NID1: variants seen among roughly 807,000 people sequenced by gnomAD.
NID1 encodes nidogen 1.
Under a neutral mutation model 130.6 loss-of-function variants are expected in NID1, and 76 were observed. The ratio of observed to expected loss-of-function variants is 0.58; its 90% confidence interval spans 0.48 to 0.70. The LOEUF is 0.70. NID1 is among the 30% of genes least tolerant of loss of function. The pLI, the probability that NID1 is intolerant of heterozygous loss-of-function variation, is 0.00. For synonymous variants in NID1, 665 were observed against 675.1 expected (o/e 0.98, Z 0.23); for missense variants, 1,517 against 1,664.8 (o/e 0.91, Z 1.54).
chr1:236,013,620 G>GCC (rs1221847318), intron 10 of NID1, 60 bp from the exon 11 acceptor site: 14 of 1,596,834 alleles, frequency 8.8e-6, no homozygotes, highest in Middle Eastern at 1.7e-4. Context: ...CAGGCCACAT[G>GCC]CCCCTCCCAG....
chr1:236,065,013 C>T lies in NID1; in HGVS notation c.67G>A (p.Ala23Thr). The T allele has an allele frequency of 6.4e-7, 1 of 1,563,446 alleles. No homozygotes were observed. Among genetic ancestry groups the T allele is most frequent in the Non-Finnish European group, 8.7e-7 (1 of 1,154,394 alleles). ...TRALLLPLLL[A>T]GPVGCLSRQE... ...CGGCTCAGGCAGCCCACAGGCCCCG[C>T]CAGCAGCAGCGGCAGCAGCAGCGCC... Residue 23 changes from alanine to threonine, a missense_variant, in exon 1 of 20, where the codon GCG (alanine) becomes ACG (threonine). Coordinates refer to ENST00000264187, the MANE Select transcript of NID1 (RefSeq NM_002508.3). This position sits in a 1 kb window ranked among gnomAD's most constrained non-coding sequence, Gnocchi z 4.1.
At chr1:236,051,561 G>A (rs1009313053) in intron 1 of NID1, among the ~76,000 whole-genome samples, 5 of 152,052 alleles carry the variant, frequency 3.3e-5, no homozygotes, top group African/African-American at 9.7e-5. Context: ...ATCATCACCC[G>A]GCACCAGCAA....
In NID1 at chr1:235,979,941, GGTGCCTGT is replaced by G; in HGVS notation, c.3386-4_3389del. On this transcript the variant is annotated splice_acceptor_variant and splice_polypyrimidine_tract_variant and coding_sequence_variant and intron_variant, in exon 18 of 20. Coordinates refer to ENST00000264187, the MANE Select transcript of NID1 (RefSeq NM_002508.3). LOFTEE classifies it high-confidence loss of function. This position sits in a 1 kb window ranked among gnomAD's most constrained non-coding sequence, Gnocchi z 4.6. ...TGGGGTTCAGGCATTCCGCCCGATT[GGTGCCTGT>G]GTGGAGTGGAAACAATTCATTCATT... is the stretch of plus-strand genomic sequence containing the variant. 1 of 1,613,990 alleles carries G rather than the reference GGTGCCTGT, an allele frequency of 6.2e-7. No homozygotes were observed. The highest frequency in any genetic ancestry group is 8.5e-7 in the Non-Finnish European group (1 of 1,179,920).
chr1:236,013,745 G>T (rs1233948739), intron 10 of NID1, among the ~76,000 whole-genome samples, 185 bp from the exon 11 acceptor site: 2 of 152,102 alleles, frequency 1.3e-5, no homozygotes, highest in Non-Finnish European at 2.9e-5. Context: ...CCTCCCACCT[G>T]GGTTCTGCCT....
At chr1:236,037,196 C>G (rs1380984012) in intron 5 of NID1, among the ~76,000 whole-genome samples, 3 of 152,142 alleles carry the variant, frequency 2.0e-5, no homozygotes. Flanking sequence ...GAATTGGCAC[C>G]CCAGCATTAA....
At chr1:235,988,788 C>T (rs1657641239) in intron 14 of NID1, among the ~76,000 whole-genome samples, 1 of 152,112 alleles carries the variant, frequency 6.6e-6, no homozygotes, top group African/African-American at 2.4e-5. Flanking sequence ...CTGTATGATT[C>T]TGCTTCTAGG....
At chr1:235,988,239 G>C (rs1657626367) in intron 14 of NID1, among the ~76,000 whole-genome samples, 1 of 152,190 alleles carries the variant, frequency 6.6e-6, no homozygotes, top group Non-Finnish European at 1.5e-5. Flanking sequence ...GATTTAAGTA[G>C]ACATTTCTCC....
chr1:236,061,941 C>T (rs929430275), intron 1 of NID1, among the ~76,000 whole-genome samples: 3 of 152,084 alleles, frequency 2.0e-5, no homozygotes, highest in Non-Finnish European at 4.4e-5. Context: ...TTGGTGAGGA[C>T]GTCGAGAAAT....
At chr1:236,049,110 T>C in intron 1 of NID1, 121 bp from the exon 2 acceptor site, 1 of 1,076,106 alleles carries the variant, frequency 9.3e-7, no homozygotes, top group Non-Finnish European at 1.4e-6. Flanking sequence ...CAACAGAATC[T>C]GAGAAAGATA....
intron 3 of NID1, among the ~76,000 whole-genome samples, chr1:236,044,657 G>C (rs1659548238): frequency 6.6e-6 from 1 of 152,186 alleles, no homozygotes; most frequent in South Asian, 2.1e-4. Context: ...AAAATTAAAA[G>C]GTGGTTTTAG....
chr1:235,980,557 C>G lies in NID1; in HGVS notation c.3324G>C (p.Leu1108=). ...CGAAGGTCAGTCCATTGGGCAAGCC[C>G]AGGTCATCCTGCACAAGGATCCTCC... ...TNRRILVQDD[L]GLPNGLTFDA... Residue 1108 remains leucine, a synonymous_variant, in exon 17 of 20, where the codon CTG becomes CTC. Coordinates refer to ENST00000264187, the MANE Select transcript of NID1 (RefSeq NM_002508.3). 1 of 1,614,188 alleles carries G rather than the reference C, an allele frequency of 6.2e-7. No homozygotes were observed.
chr1:235,980,095 T>C, intron 17 of NID1, 150 bp from the exon 18 acceptor site: 1 of 944,240 alleles, frequency 1.1e-6, no homozygotes, highest in African/African-American at 1.6e-5. Context: ...TCTTAAAAAC[T>C]GGCAAGTTGT....
At chr1:235,997,466 C>T (rs193281069) in intron 12 of NID1, among the ~76,000 whole-genome samples, 472 of 152,120 alleles carry the variant, frequency 3.1e-3, no homozygotes, top group Middle Eastern at 6.8e-3. Context: ...TATATGTTTA[C>T]ACATGTGTAC....
chr1:235,993,817 C>A lies in NID1; in HGVS notation c.2583G>T (p.Gly861=). 6.2e-7 allele frequency: 1 copy of A among 1,614,106 alleles called. No individual in the cohort carries two copies. The highest frequency in any genetic ancestry group is 8.5e-7 in the Non-Finnish European group (1 of 1,179,972). ...GAATGGGTCGCTGTGGGTCTGTCGCCCCCGCTGCCCCGAGAATGTGTTCTC... is the reference window on the plus strand; with the variant it reads ...GAATGGGTCGCTGTGGGTCTGTCGCACCCGCTGCCCCGAGAATGTGTTCTC... ...HEREHILGAA[G]ATDPQRPIPP... is the part of the protein sequence containing the mutation. Residue 861 remains glycine, a synonymous_variant, in exon 13 of 20, where the codon GGG becomes GGT. Coordinates refer to ENST00000264187, the MANE Select transcript of NID1 (RefSeq NM_002508.3).
intron 4 of NID1, among the ~76,000 whole-genome samples, chr1:236,041,318 G>A (rs376807733): frequency 2.6e-5 from 4 of 151,998 alleles, no homozygotes; most frequent in African/African-American, 9.7e-5. Context: ...CACCTGCCTC[G>A]GCCTCCCAAA....
At chr1:236,061,785 T>C (rs939278525) in intron 1 of NID1, among the ~76,000 whole-genome samples, 21 of 152,084 alleles carry the variant, frequency 1.4e-4, no homozygotes, top group Non-Finnish European at 2.5e-4. Flanking sequence ...CAGGCATTTC[T>C]CCAAAGAAGA....
intron 15 of NID1, among the ~76,000 whole-genome samples, chr1:235,984,228 G>C (rs763169591): frequency 6.6e-6 from 1 of 152,162 alleles, no homozygotes; most frequent in Non-Finnish European, 1.5e-5. Flanking sequence ...TTTAACACAC[G>C]GAGATAGGCA....
In NID1 at chr1:235,981,752, T is replaced by C. The variant is rs758328448; in HGVS notation, c.3086A>G (p.Asp1029Gly). The part of the protein sequence containing the change: ...DLGSPEGIAV[D>G]HLGRNIFWTD... ...CCAGAAGATGTTGCGGCCAAGGTGA[T>C]CAACAGCGATACCTTCTGGACTTCC... Residue 1029 changes from aspartate (D) to glycine (G), a missense_variant, in exon 16 of 20, where the codon GAT (aspartate) becomes GGT (glycine). Physicochemically the swap from Asp to Gly is moderately conservative, Grantham distance 94. Transcript: ENST00000264187. 1.2e-6 allele frequency: 2 copies of C among 1,613,592 alleles called. No homozygotes were observed. The highest frequency in any genetic ancestry group is 2.7e-5 in the African/African-American group (2 of 74,922).
chr1:236,019,376 T>C (rs1051376630), intron 9 of NID1, among the ~76,000 whole-genome samples: 2 of 152,268 alleles, frequency 1.3e-5, no homozygotes, highest in African/African-American at 4.8e-5. Context: ...TAGACTGCAT[T>C]GCCAAAGCAC....
Sources: gnomAD v4.1 joint callset for allele counts (sites outside exome capture counted in the v4.1 genomes callset) on GRCh38, gnomAD v4.1.1 for gene constraint, Gnocchi (gnomAD v3.1) non-coding constraint, MANE v1.5 for transcripts, NCBI Gene and HGNC (gene_info 2026-07-23, HGNC 2026-07-21) for gene names.